The following FUBP3 variants were observed in gnomAD, a reference collection of about 807,000 sequenced individuals.
FUBP3 encodes the protein far upstream element-binding protein 3.
Under a neutral mutation model 85.6 loss-of-function variants are expected in FUBP3, and 28 were observed. The ratio of observed to expected loss-of-function variants is 0.33; its 90% confidence interval spans 0.24 to 0.45. The LOEUF is 0.45. Ranked by LOEUF, FUBP3 falls within the 20% of genes least tolerant of loss-of-function variation. The probability of loss-of-function intolerance (pLI) is 1.00; values close to 1 mark genes in which losing one functional copy is unlikely to be tolerated. For synonymous variants in FUBP3, 271 were observed against 271.4 expected (o/e 1.00, Z 0.01); for missense variants, 583 against 755.1 (o/e 0.77, Z 2.67).
chr9:130,599,943 T>A (rs1052144024), intron 2 of FUBP3, among the ~76,000 whole-genome samples: 1 of 152,012 alleles, frequency 6.6e-6, no homozygotes, highest in Non-Finnish European at 1.5e-5. Flanking sequence ...TGGCTGCCTG[T>A]CTCCTCTCTC....
At chr9:130,629,683 C>T (rs545870800) in intron 12 of FUBP3, among the ~76,000 whole-genome samples, 40 of 152,272 alleles carry the variant, frequency 2.6e-4, no homozygotes, top group African/African-American at 9.6e-4. Context: ...TGACTGTGGG[C>T]ATGGAGGAGG....
intron 18 of FUBP3, chr9:130,636,355 C>T: frequency 9.4e-6 from 6 of 638,938 alleles, no homozygotes; most frequent in South Asian, 8.7e-5. Flanking sequence ...GGGGGCGCAG[C>T]CCCTACAAGG....
At chr9:130,605,904 A>G (rs944003072) in intron 2 of FUBP3, among the ~76,000 whole-genome samples, 4 of 133,978 alleles carry the variant, frequency 3.0e-5, no homozygotes, top group Non-Finnish European at 7.1e-5. Context: ...GAATCGCACG[A>G]ACCCGGGAGG....
At chr9:130,634,071 C>G (rs888344258) in intron 16 of FUBP3, among the ~76,000 whole-genome samples, 26 of 152,198 alleles carry the variant, frequency 1.7e-4, no homozygotes, top group African/African-American at 6.3e-4. Context: ...TTCCCCCATG[C>G]TGGCTGTTTC....
chr9:130,611,103 C>T (rs1180296680), intron 3 of FUBP3, among the ~76,000 whole-genome samples: 5 of 152,184 alleles, frequency 3.3e-5, no homozygotes, highest in Non-Finnish European at 5.9e-5. Context: ...TTCCTTAGGG[C>T]CAAGGGCTGC....
At chr9:130,599,383 G>GTGTGTA (rs1554737426) in intron 2 of FUBP3, among the ~76,000 whole-genome samples, 1 of 142,684 alleles carries the variant, frequency 7.0e-6, no homozygotes, top group East Asian at 2.0e-4. Flanking sequence ...GTGTGTGTGT[G>GTGTGTA]TATATATATA....
At chr9:130,628,851 C>G (rs1267910467) in intron 12 of FUBP3, among the ~76,000 whole-genome samples, 1 of 152,072 alleles carries the variant, frequency 6.6e-6, no homozygotes, top group Non-Finnish European at 1.5e-5. Flanking sequence ...CTCACTGCAA[C>G]CTCCGCCTCT....
chr9:130,632,731 G>A (rs1425236401), intron 16 of FUBP3, among the ~76,000 whole-genome samples: 2 of 152,234 alleles, frequency 1.3e-5, no homozygotes. Context: ...CTTTTCAGAA[G>A]CAAACAGCTA....
Position 130,635,932 on chromosome 9 carries a change from T to C in FUBP3, c.1583-67T>C, listed in dbSNP as rs1031804673. The C allele has an allele frequency of 3.3e-6, 5 of 1,534,930 alleles. No homozygotes were observed. Among genetic ancestry groups the C allele is most frequent in the Non-Finnish European group, 3.5e-6 (4 of 1,130,178 alleles). ...GGAGGGAGAGCAGATGCCCAGGGCC[T>C]TTGGGAAGGGTCCTGCCCAGTGCAC... On this transcript the variant is annotated intron_variant, in intron 17 of 18. Coordinates refer to ENST00000319725, the MANE Select transcript of FUBP3 (RefSeq NM_003934.2). The surrounding 1 kb of genome is among the most constrained non-coding windows in gnomAD (Gnocchi z 4.3).
intron 11 of FUBP3, among the ~76,000 whole-genome samples, chr9:130,625,428 T>C (rs1829931629): frequency 6.6e-6 from 1 of 152,194 alleles, no homozygotes. Flanking sequence ...TGGTTTAGAT[T>C]CTGGGTAAAC....
chr9:130,624,685 G>GT (rs1455812290), intron 11 of FUBP3, among the ~76,000 whole-genome samples: 1 of 151,458 alleles, frequency 6.6e-6, no homozygotes, highest in East Asian at 1.9e-4. Context: ...TAATGTTAGT[G>GT]TATTTTATGG....
chr9:130,591,981 C>T (rs1169815019), intron 1 of FUBP3, among the ~76,000 whole-genome samples: 1 of 152,214 alleles, frequency 6.6e-6, no homozygotes, highest in African/African-American at 2.4e-5. Context: ...CCTGTAATCT[C>T]AGCACTTTGG....
intron 12 of FUBP3, among the ~76,000 whole-genome samples, chr9:130,627,823 A>G (rs1225108357): frequency 6.6e-6 from 1 of 152,140 alleles, no homozygotes; most frequent in Non-Finnish European, 1.5e-5. Context: ...CGAAGTTTTC[A>G]TTTGCTTGTG....
chr9:130,613,126 G>A lies in FUBP3; in HGVS notation c.346+99G>A, dbSNP rs118158648. The A allele has an allele frequency of 7.8e-3, 5,708 of 728,690 alleles. 30 individuals carry two copies. Among genetic ancestry groups the A allele is most frequent in the Non-Finnish European group, 0.011 (4,410 of 416,756 alleles). The allele number at this position is 728,690 out of a possible 1,614,324, so 45.1% of individuals were successfully genotyped here. A position where few individuals can be genotyped will look rare whatever the true frequency, so the allele number is the denominator to read the frequency against. On this transcript the variant is annotated intron_variant, in intron 5 of 18. Transcript: ENST00000319725. Reference sequence around the variant, plus strand: ...TTGCTTGTTGCTTGGGTAAGTATATGCGATTAGTGTTTTCCTTGCACTTTG... The same window carrying A: ...TTGCTTGTTGCTTGGGTAAGTATATACGATTAGTGTTTTCCTTGCACTTTG...
chr9:130,614,763 A>G (rs1387698490), intron 6 of FUBP3, among the ~76,000 whole-genome samples: 1 of 152,198 alleles, frequency 6.6e-6, no homozygotes, highest in Non-Finnish European at 1.5e-5. Flanking sequence ...CCCTTCTGAT[A>G]TTTGTGAACC....
intron 2 of FUBP3, among the ~76,000 whole-genome samples, chr9:130,600,055 C>T (rs1258647358): frequency 6.6e-6 from 1 of 152,060 alleles, no homozygotes; most frequent in African/African-American, 2.4e-5. Context: ...GCTCAGCCCA[C>T]ATGCCACCTA....
At chr9:130,600,912 A>C (rs1831124047) in intron 2 of FUBP3, among the ~76,000 whole-genome samples, 1 of 152,042 alleles carries the variant, frequency 6.6e-6, no homozygotes, top group Non-Finnish European at 1.5e-5. Context: ...GGAGGTCAAG[A>C]CCACAGTAAG....
At chr9:130,599,886 G>A (rs563849042) in intron 2 of FUBP3, among the ~76,000 whole-genome samples, 1 of 152,112 alleles carries the variant, frequency 6.6e-6, no homozygotes, top group East Asian at 1.9e-4. Flanking sequence ...CTGCCCTCCC[G>A]CTTGGCTCCT....
At chr9:130,627,155 T>C (rs1830010524) in intron 12 of FUBP3, among the ~76,000 whole-genome samples, 1 of 152,166 alleles carries the variant, frequency 6.6e-6, no homozygotes, top group South Asian at 2.1e-4. Flanking sequence ...TTCTCAGCCA[T>C]TGGCAGCAGT....
Sources: gnomAD v4.1 joint callset for allele counts (sites outside exome capture counted in the v4.1 genomes callset) on GRCh38, gnomAD v4.1.1 for gene constraint, Gnocchi (gnomAD v3.1) non-coding constraint, MANE v1.5 for transcripts, NCBI Gene and HGNC (gene_info 2026-07-23, HGNC 2026-07-21) for gene names.